The following CEP128 variants were observed in gnomAD, a reference collection of about 807,000 sequenced individuals.
The protein encoded by CEP128 is centrosomal protein 128kDa.
CEP128 carries 132 observed loss-of-function variants against 156.7 expected under a neutral mutation model. That is an observed-to-expected ratio of 0.84 (90% CI 0.73 to 0.97). The LOEUF (loss-of-function observed/expected upper bound fraction) is 0.97, where lower values mean the gene tolerates loss of function less well. CEP128 is among the 50% of genes least tolerant of loss of function. The pLI, the probability that CEP128 is intolerant of heterozygous loss-of-function variation, is 0.00. For missense variants in CEP128, 1,252 were observed against 1,281.9 expected, an observed-to-expected ratio of 0.98 and a Z score of 0.36; for synonymous variants, 469 against 448.9, an observed-to-expected ratio of 1.04 and a Z score of -0.57.
rs1015004627 is a variant in CEP128, at chr14:80,587,215, C to T, written c.2807-6792G>A. ...ATTTAGAACTCTGCCATATCTACTGCCACCCACTGGTACATATCTGGATAT... is the reference window on the plus strand; with the variant it reads ...ATTTAGAACTCTGCCATATCTACTGTCACCCACTGGTACATATCTGGATAT... On this transcript the variant is annotated intron_variant, in intron 19 of 24. Transcript: ENST00000555265. Among the ~76,000 whole-genome samples, 3 of 152,256 alleles carry T rather than the reference C, an allele frequency of 2.0e-5. No individual in the cohort carries two copies. The South Asian group carries it at 6.2e-4, about 32-fold the overall frequency.
At chr14:80,820,882 C>T (rs1282708592) in intron 13 of CEP128, among the ~76,000 whole-genome samples, 3 of 152,002 alleles carry the variant, frequency 2.0e-5, no homozygotes, top group Admixed American at 2.0e-4. Flanking sequence ...TACAATCTAA[C>T]ATTTTATCAT....
In CEP128 at chr14:80,761,496, C is replaced by T. The variant is rs766601515; in HGVS notation, c.2494G>A (p.Gly832Arg). Residue 832 changes from glycine (G) to arginine (R), a missense_variant, in exon 17 of 25, where the codon GGA becomes AGA. Gly to Arg is a moderately radical substitution (Grantham distance 125). Transcript: ENST00000555265. The stretch of plus-strand genomic sequence containing the variant: ...TTACAAGCTGCATCAATTTCCTTTC[C>T]TATCACACCAAGAATGGATTCCTGT... ...TEQESILGVI[G>R]KEIDAACKTF... 8.7e-6 allele frequency: 14 copies of T among 1,612,044 alleles called. No individual in the cohort carries two copies. The highest frequency in any genetic ancestry group is 2.7e-5 in the African/African-American group (2 of 74,872).
At chr14:80,956,014 C>T in intron 2 of CEP128, 2 of 797,268 alleles carry the variant, frequency 2.5e-6, no homozygotes, top group Non-Finnish European at 2.1e-6. Context: ...GTGCTAAAAA[C>T]TTAATCGCCC....
At chr14:80,559,082 T>G (rs2140366546) in intron 21 of CEP128, among the ~76,000 whole-genome samples, 197 bp downstream of exon 21, 1 of 152,306 alleles carries the variant, frequency 6.6e-6, no homozygotes, top group South Asian at 2.1e-4. Context: ...ATGCTCACAT[T>G]TTTATTTAAT....
chr14:80,885,265 C>T (rs1383144026), intron 8 of CEP128, among the ~76,000 whole-genome samples: 3 of 152,198 alleles, frequency 2.0e-5, no homozygotes, highest in East Asian at 1.9e-4. Context: ...TAGAAAAGCA[C>T]TCGAGCTCTG....
chr14:80,826,629 T>G (rs1885496010), intron 13 of CEP128, among the ~76,000 whole-genome samples: 1 of 152,186 alleles, frequency 6.6e-6, no homozygotes, highest in Non-Finnish European at 1.5e-5. Flanking sequence ...TCCTTTCTTT[T>G]TTATACCATC....
chr14:80,895,822 T>A, intron 7 of CEP128, 32 bp from the exon 8 acceptor site: 1 of 1,313,374 alleles, frequency 7.6e-7, no homozygotes, highest in Non-Finnish European at 1.0e-6. Flanking sequence ...AGATTTAAAT[T>A]TGGATATTTA....
At chr14:80,928,859 CAACAAA>C (rs1000635017) in intron 2 of CEP128, among the ~76,000 whole-genome samples, 14 of 152,076 alleles carry the variant, frequency 9.2e-5, no homozygotes, top group Admixed American at 3.9e-4. Context: ...AATGCAAATG[CAACAAA>C]AACAAAAATA....
intron 21 of CEP128, among the ~76,000 whole-genome samples, chr14:80,557,339 T>G (rs1890478778): frequency 6.6e-6 from 1 of 152,352 alleles, no homozygotes; most frequent in Non-Finnish European, 1.5e-5. Context: ...TATTTTCACG[T>G]GTATTTTCTC....
intron 19 of CEP128, among the ~76,000 whole-genome samples, chr14:80,618,148 G>C (rs931473381): frequency 5.9e-5 from 9 of 152,156 alleles, no homozygotes; most frequent in Non-Finnish European, 8.8e-5. Context: ...ATCTGTATAA[G>C]ATACTATGTC....
chr14:80,831,190 T>C lies in CEP128; in HGVS notation c.1162A>G (p.Met388Val), dbSNP rs899270185. The change falls in exon 13 of 25, where the codon ATG (methionine) becomes GTG (valine). Residue 388 changes from methionine (M) to valine (V), a missense_variant. Physicochemically the swap from Met to Val is conservative, Grantham distance 21. Coordinates refer to ENST00000555265, the MANE Select transcript of CEP128 (RefSeq NM_152446.5). ...ASELEEVKRC[M>V]ERKDKEKAHL... Reference sequence around the variant, plus strand: ...GCTTTCTCCTTGTCTTTTCTCTCCATGCACCGTTTCACTTCCTCTAACTCA... The same window carrying C: ...GCTTTCTCCTTGTCTTTTCTCTCCACGCACCGTTTCACTTCCTCTAACTCA... 11 of 1,613,954 alleles carry C rather than the reference T, an allele frequency of 6.8e-6. No homozygotes were observed. The East Asian group carries it at 2.0e-4, about 29-fold the overall frequency.
intron 16 of CEP128, among the ~76,000 whole-genome samples, chr14:80,769,777 T>A (rs932040832): frequency 6.6e-6 from 1 of 152,132 alleles, no homozygotes; most frequent in African/African-American, 2.4e-5. Context: ...TATTGCTTGT[T>A]CAACATTAAA....
chr14:80,659,809 C>A lies in CEP128; in HGVS notation c.2807-79386G>T, dbSNP rs577064719. Among the ~76,000 whole-genome samples the A allele has an allele frequency of 1.5e-4, 23 of 152,262 alleles. No homozygotes were observed. The East Asian group carries it at 4.2e-3, about 28-fold the overall frequency. ...AACAATTCTAAATAATGATGACACT[C>A]AATTTCCAAGTCAGATGTGCAATTA... On this transcript the variant is annotated intron_variant, in intron 19 of 24. Transcript: ENST00000555265.
At chr14:80,954,623 G>A (rs1271912053) in intron 2 of CEP128, among the ~76,000 whole-genome samples, 1 of 152,012 alleles carries the variant, frequency 6.6e-6, no homozygotes, top group East Asian at 1.9e-4. Context: ...TCCTAGCCAA[G>A]TTCATATAAA....
rs187159818 is a variant in CEP128 at position 80,643,887 on chromosome 14, A to G, written c.2807-63464T>C. 7.6e-4 allele frequency among the ~76,000 whole-genome samples: 116 copies of G among 152,288 alleles called. 2 individuals carry two copies. The highest frequency in any genetic ancestry group is 2.7e-3 in the African/African-American group (112 of 41,574). ...TAGTGAACTCCCAAATTTCATGTCT[A>G]TCTGGAATCTCAAAATGGGACTTTA... On this transcript the variant is annotated intron_variant, in intron 19 of 24. Coordinates refer to ENST00000555265, the MANE Select transcript of CEP128 (RefSeq NM_152446.5).
intron 23 of CEP128, among the ~76,000 whole-genome samples, chr14:80,517,869 C>T (rs1489450037): frequency 1.3e-5 from 2 of 151,990 alleles, no homozygotes; most frequent in Admixed American, 1.3e-4. Flanking sequence ...CAATGGCGAG[C>T]CTTTATCCTG....
chr14:80,893,313 G>A (rs1889190995), intron 8 of CEP128, among the ~76,000 whole-genome samples: 2 of 151,830 alleles, frequency 1.3e-5, no homozygotes, highest in Admixed American at 1.3e-4. Context: ...ACAAAACAGT[G>A]GTTACCAGGG....
At position 80,647,053 on chromosome 14, in the gene CEP128, ATATAT is replaced by A. The variant is rs1566831563; in HGVS notation, c.2807-66635_2807-66631del. Among the ~76,000 whole-genome samples, 8 of 13,716 alleles carry A rather than the reference ATATAT, an allele frequency of 5.8e-4. 2 individuals carry two copies. Among genetic ancestry groups the A allele is most frequent in the Admixed American group, 8.0e-4 (1 of 1,246 alleles). The allele number at this position is 13,716 out of a possible 152,430, so 9.0% of individuals were successfully genotyped here. A position where few individuals can be genotyped will look rare whatever the true frequency, so the allele number is the denominator to read the frequency against. On this transcript the variant is annotated intron_variant, in intron 19 of 24. Transcript: ENST00000555265. ...TGTGTGCATGTATATATATATATAT[ATATAT>A]ATATATATATATATATATATATATA...
chr14:80,925,453 A>G (rs1420934670), intron 2 of CEP128, among the ~76,000 whole-genome samples: 1 of 152,206 alleles, frequency 6.6e-6, no homozygotes, highest in African/African-American at 2.4e-5. Context: ...CCAGTAATCA[A>G]TGAATTGCCT....
Sources: gnomAD v4.1 joint callset for allele counts (sites outside exome capture counted in the v4.1 genomes callset) on GRCh38, gnomAD v4.1.1 for gene constraint, MANE v1.5 for transcripts, NCBI Gene and HGNC (gene_info 2026-07-23, HGNC 2026-07-21) for gene names.